CCDC3: variants seen among roughly 807,000 people sequenced by gnomAD.
CCDC3 encodes coiled-coil domain-containing protein 3.
CCDC3 carries 24 observed loss-of-function variants against 21.4 expected under a neutral mutation model. The ratio of observed to expected loss-of-function variants is 1.12; its 90% confidence interval spans 0.81 to 1.58. The LOEUF (loss-of-function observed/expected upper bound fraction) is 1.58, where lower values mean the gene tolerates loss of function less well. Ranked by LOEUF, CCDC3 falls within the 40% of genes most tolerant of loss-of-function variation. The pLI is 0.00. For missense variants in CCDC3, 425 were observed against 360.9 expected (o/e 1.18, Z -1.44); for synonymous variants, 186 against 166.0 (o/e 1.12, Z -0.93).
chr10:12,940,684 C>CA (rs1834814668), intron 2 of CCDC3, among the ~76,000 whole-genome samples: 3 of 137,726 alleles, frequency 2.2e-5, no homozygotes, highest in East Asian at 2.4e-4. Flanking sequence ...GTCAATCATA[C>CA]GTAAGAGGTA....
At chr10:13,054,124 G>C (rs1167919940) in intron 4 of CCDC3, among the ~76,000 whole-genome samples, 1 of 139,822 alleles carries the variant, frequency 7.2e-6, no homozygotes, top group Non-Finnish European at 1.6e-5. Context: ...TGGCCTGGGT[G>C]ACAGAGAGAG....
chr10:13,074,406 G>A (rs978861743), intron 3 of CCDC3, among the ~76,000 whole-genome samples: 2 of 127,222 alleles, frequency 1.6e-5, no homozygotes, highest in Admixed American at 1.0e-4. Flanking sequence ...GGCTGGTCTC[G>A]AACTCCCGAC....
At chr10:13,074,381 T>C (rs1252974766) in intron 3 of CCDC3, among the ~76,000 whole-genome samples, 1 of 133,968 alleles carries the variant, frequency 7.5e-6, no homozygotes, top group Admixed American at 8.7e-5. Flanking sequence ...AGACGGGGTT[T>C]TTCCATATTG....
At chr10:13,026,667 T>A (rs1836220936) in intron 5 of CCDC3, among the ~76,000 whole-genome samples, 1 of 152,352 alleles carries the variant, frequency 6.6e-6, no homozygotes, top group East Asian at 1.9e-4. Context: ...TTGATGAAAC[T>A]ACAGGTAATT....
intron 4 of CCDC3, among the ~76,000 whole-genome samples, chr10:13,072,858 C>CTTT (rs1482745185): frequency 8.3e-5 from 8 of 96,728 alleles, no homozygotes; most frequent in South Asian, 4.7e-4. Context: ...CTTTTCTTTT[C>CTTT]TTTTCTTTCT....
chr10:12,990,232 C>T (rs2131279492), intron 2 of CCDC3, among the ~76,000 whole-genome samples: 1 of 146,932 alleles, frequency 6.8e-6, no homozygotes. Flanking sequence ...TGCACTCTGG[C>T]CTGGGCAAAA....
chr10:12,933,880 T>C (rs1834692833), intron 2 of CCDC3, among the ~76,000 whole-genome samples: 1 of 151,444 alleles, frequency 6.6e-6, no homozygotes, highest in Non-Finnish European at 1.5e-5. Context: ...GTTTATTGAT[T>C]TTATTTATCT....
At chr10:13,019,489 C>T (rs144922860) in intron 5 of CCDC3, among the ~76,000 whole-genome samples, 147 of 143,432 alleles carry the variant, frequency 1.0e-3, no homozygotes, top group Non-Finnish European at 1.9e-3. Context: ...CTGATCTTTC[C>T]GTCTGTGTTC....
intron 5 of CCDC3, among the ~76,000 whole-genome samples, chr10:13,034,602 AT>A (rs1224372579): frequency 2.6e-5 from 4 of 151,574 alleles, no homozygotes; most frequent in Admixed American, 6.6e-5. Context: ...TTAGGAATGT[AT>A]TAACATTATT....
exon 1 of CCDC3, chr10:13,099,531 G>C (rs1365974133): frequency 6.6e-6 from 1 of 151,620 alleles, no homozygotes; most frequent in Non-Finnish European, 1.5e-5. Context: ...TCTAATCCGG[G>C]GGCAGCTTCC....
chr10:13,052,938 TCACA>T (rs56261341), intron 4 of CCDC3, among the ~76,000 whole-genome samples: 10,717 of 134,260 alleles, frequency 0.08, 437 homozygotes, highest in South Asian at 0.15. Flanking sequence ...TGAGACTCTG[TCACA>T]CACACACACA....
chr10:13,035,811 G>T (rs1303366043), intron 5 of CCDC3, among the ~76,000 whole-genome samples: 3 of 152,150 alleles, frequency 2.0e-5, no homozygotes, highest in Non-Finnish European at 4.4e-5. Context: ...TTCCTCTAGG[G>T]AGAGAAGCAA....
At chr10:13,003,985 C>T (rs1835896226), upstream of CCDC3, among the ~76,000 whole-genome samples, 1 of 152,172 alleles carries the variant, frequency 6.6e-6, no homozygotes, top group Non-Finnish European at 1.5e-5. Flanking sequence ...CTGATTGAGC[C>T]ATTGCAGTGT....
chr10:12,953,423 A>G (rs1835038808), intron 2 of CCDC3, among the ~76,000 whole-genome samples: 1 of 152,216 alleles, frequency 6.6e-6, no homozygotes, highest in South Asian at 2.1e-4. Context: ...TATATCCCCA[A>G]TACTACATCT....
At chr10:12,964,863 G>T (rs1257904408) in intron 2 of CCDC3, among the ~76,000 whole-genome samples, 1 of 152,170 alleles carries the variant, frequency 6.6e-6, no homozygotes, top group Non-Finnish European at 1.5e-5. Context: ...AGGAGTTTAG[G>T]ACAGGCCACC....
intron 2 of CCDC3, among the ~76,000 whole-genome samples, chr10:12,969,014 T>A (rs566107488): frequency 6.6e-6 from 1 of 152,102 alleles, no homozygotes; most frequent in Non-Finnish European, 1.5e-5. Flanking sequence ...ATAATTATCT[T>A]GAGTGTAAAC....
rs1564282743 is a variant in CCDC3 at position 12,917,177 on chromosome 10, C to CTTCT, written c.550-18502_550-18499dup. Among the ~76,000 whole-genome samples the CTTCT allele has an allele frequency of 6.7e-5, 5 of 74,786 alleles. 1 individual carries two copies. Among genetic ancestry groups the CTTCT allele is most frequent in the Non-Finnish European group, 9.9e-5 (4 of 40,428 alleles). 49.1% of individuals were successfully genotyped at this position (74,786 alleles called of 152,430 possible). A position where few individuals can be genotyped will look rare whatever the true frequency, so the allele number is the denominator to read the frequency against. On this transcript the variant is annotated intron_variant, in intron 2 of 2. Transcript: ENST00000378825. ...GATGTTGGAAATGTCCTTATTTCTTCTTCTTTTTTTTTTTTTTTTTTTTTT... is the reference window on the plus strand; with the variant it reads ...GATGTTGGAAATGTCCTTATTTCTTCTTCTTTCTTTTTTTTTTTTTTTTTTTTTT...
At chr10:13,030,637 A>G (rs927587284) in intron 5 of CCDC3, among the ~76,000 whole-genome samples, 45 of 152,172 alleles carry the variant, frequency 3.0e-4, no homozygotes, top group African/African-American at 1.0e-3. Flanking sequence ...AGATAAAGGG[A>G]TGGAGGAAGA....
At chr10:13,051,028 C>T (rs1836599809) in intron 4 of CCDC3, among the ~76,000 whole-genome samples, 1 of 152,136 alleles carries the variant, frequency 6.6e-6, no homozygotes, top group Non-Finnish European at 1.5e-5. Context: ...TGGTCTCAAG[C>T]CATCCTTCCA....
Sources: gnomAD v4.1 joint callset for allele counts (sites outside exome capture counted in the v4.1 genomes callset) on GRCh38, gnomAD v4.1.1 for gene constraint, MANE v1.5 for transcripts, NCBI Gene and HGNC (gene_info 2026-07-23, HGNC 2026-07-21) for gene names.